The following FAM118B variants were observed in gnomAD, a reference collection of about 807,000 sequenced individuals.
FAM118B encodes the protein SIR2 antiphage like 1, also known as protein FAM118B.
Under a neutral mutation model 38.5 loss-of-function variants are expected in FAM118B, and 24 were observed. The ratio of observed to expected loss-of-function variants is 0.62; its 90% CI spans 0.45 to 0.88. The LOEUF (loss-of-function observed/expected upper bound fraction) is 0.88. Among genes scored for constraint, FAM118B ranks in the 40% least tolerant of loss-of-function variants. FAM118B has a pLI of 0.00. For missense variants in FAM118B, 334 were observed against 420.0 expected, an observed-to-expected ratio of 0.80 and a Z score of 1.79; for synonymous variants, 138 against 156.3, an observed-to-expected ratio of 0.88 and a Z score of 0.87.
Position 126,262,533 on chromosome 11 carries a change from T to C in FAM118B, c.*400T>C. 4.9e-6 allele frequency: 1 copy of C among 205,652 alleles called. No homozygotes were observed. Among genetic ancestry groups the C allele is most frequent in the Non-Finnish European group, 9.7e-6 (1 of 103,238 alleles). The allele number at this position is 205,652 out of a possible 1,614,324, so 12.7% of individuals were successfully genotyped here. A position where few individuals can be genotyped will look rare whatever the true frequency, so the allele number is the denominator to read the frequency against. On this transcript the variant is annotated 3_prime_UTR_variant, in exon 9 of 9. Transcript: ENST00000533050. ...CAGTTTTGTACTCTATACTTGGTTTTTCAATTAAGCTTAATGGCTTTTTTA... is the reference window on the plus strand; with the variant it reads ...CAGTTTTGTACTCTATACTTGGTTTCTCAATTAAGCTTAATGGCTTTTTTA...
At chr11:126,261,923 T>G (rs1950709442) in intron 8 of FAM118B, among the ~76,000 whole-genome samples, 197 bp from the exon 9 acceptor site, 1 of 152,214 alleles carries the variant, frequency 6.6e-6, no homozygotes, top group Admixed American at 6.5e-5. Context: ...GTGAGCTGAT[T>G]GTGCCACTGC....
intron 1 of FAM118B, among the ~76,000 whole-genome samples, chr11:126,216,450 C>A (rs1205346817): frequency 2.6e-5 from 4 of 152,192 alleles, no homozygotes; most frequent in African/African-American, 9.7e-5. Flanking sequence ...TAGAGGCAAC[C>A]ACTCAGTTGT....
At chr11:126,211,956 T>A in intron 1 of FAM118B, 126 bp downstream of exon 1, 1 of 321,232 alleles carries the variant, frequency 3.1e-6, no homozygotes, top group Non-Finnish European at 5.8e-6. Context: ...CTCCTTTTGG[T>A]ACACGATCCC....
In FAM118B at chr11:126,250,570, A is replaced by G. The variant is rs776571672; in HGVS notation, c.404A>G (p.Glu135Gly). Residue 135 changes from glutamate to glycine, a missense_variant, in exon 5 of 9, where the codon GAG becomes GGG. Physicochemically the swap from Glu to Gly is moderately conservative, Grantham distance 98 (BLOSUM62 -2). Coordinates refer to ENST00000533050, the MANE Select transcript of FAM118B (RefSeq NM_024556.4). The surrounding 1 kb of genome is among the most constrained non-coding windows in gnomAD (Gnocchi z 5.1). Reference sequence around the variant, plus strand: ...TTATATGAAGTATTTGATGACTTGGAGTCAAAGATGGAAGATTCTGGAAAA... The same window carrying G: ...TTATATGAAGTATTTGATGACTTGGGGTCAAAGATGGAAGATTCTGGAAAA... ...DCLYEVFDDL[E>G]SKMEDSGKQL... 3.7e-6 allele frequency: 6 copies of G among 1,614,120 alleles called. No homozygotes were observed.
At chr11:126,239,983 T>A (rs906403041) in intron 3 of FAM118B, among the ~76,000 whole-genome samples, 1 of 152,074 alleles carries the variant, frequency 6.6e-6, no homozygotes, top group Non-Finnish European at 1.5e-5. Context: ...GACAAAAAGG[T>A]TGGGGAGAAG....
chr11:126,247,066 G>A (rs1273630091), intron 4 of FAM118B, among the ~76,000 whole-genome samples: 1 of 152,202 alleles, frequency 6.6e-6, no homozygotes, highest in Non-Finnish European at 1.5e-5. Context: ...GCTGAGGCAA[G>A]AGGATCACTT....
At chr11:126,212,876 C>T (rs1949906565) in intron 1 of FAM118B, among the ~76,000 whole-genome samples, 1 of 152,064 alleles carries the variant, frequency 6.6e-6, no homozygotes, top group Admixed American at 6.5e-5. Flanking sequence ...TCGAGTAGGG[C>T]AGAGAGACTC....
chr11:126,237,621 G>A (rs1423759354), intron 3 of FAM118B, among the ~76,000 whole-genome samples: 1 of 142,104 alleles, frequency 7.0e-6, no homozygotes, highest in Non-Finnish European at 1.5e-5. Flanking sequence ...CAGATCGTGA[G>A]GTCAGGAGAT....
In FAM118B at chr11:126,256,776, CT is replaced by C. The variant is rs778809440; in HGVS notation, c.907del (p.Tyr303MetfsTer15). The C allele has an allele frequency of 5.6e-6, 9 of 1,614,060 alleles. No individual in the cohort carries two copies. In the East Asian group the frequency reaches 6.7e-5, roughly 12 times the overall value. ...TGGACAAGGGGATTAAAGTCATCTC[CT>C]ATGGAGATGACTATGCCGATCTTCC... is the stretch of plus-strand genomic sequence containing the variant. ...MLDKGIKVIS[Y>X]GDDYADLPEY... is the part of the protein sequence containing the mutation. On this transcript the variant is annotated frameshift_variant, in exon 7 of 9. Coordinates refer to ENST00000533050, the MANE Select transcript of FAM118B (RefSeq NM_024556.4). LOFTEE classifies it high-confidence loss of function. The surrounding 1 kb of genome is among the most constrained non-coding windows in gnomAD (Gnocchi z 6.6).
chr11:126,214,730 A>G (rs1328706507), intron 1 of FAM118B, among the ~76,000 whole-genome samples: 1 of 151,928 alleles, frequency 6.6e-6, no homozygotes, highest in African/African-American at 2.4e-5. Flanking sequence ...ACTTATTTAC[A>G]TTGATTTTGA....
chr11:126,241,139 TG>T (rs773415519), intron 4 of FAM118B, 95 bp downstream of exon 4: 9 of 1,277,770 alleles, frequency 7.0e-6, no homozygotes, highest in Non-Finnish European at 9.7e-6. Flanking sequence ...GCATGCCAAA[TG>T]TAACAGGGAT....
chr11:126,258,876 C>T (rs1254060214), intron 7 of FAM118B, among the ~76,000 whole-genome samples: 1 of 152,188 alleles, frequency 6.6e-6, no homozygotes, highest in Non-Finnish European at 1.5e-5. Context: ...CATTACATAA[C>T]AAAGAAGCAG....
At position 126,262,159 on chromosome 11, in the gene FAM118B, T is replaced by C; in HGVS notation, c.*26T>C. On this transcript the variant is annotated 3_prime_UTR_variant, in exon 9 of 9. Transcript: ENST00000533050. ...GCGAGCTAGAGAAATCACCACCGTTTAGACCAAGCTGTAAGGCCCTACTAC... is the reference window on the plus strand; with the variant it reads ...GCGAGCTAGAGAAATCACCACCGTTCAGACCAAGCTGTAAGGCCCTACTAC... The C allele has an allele frequency of 2.5e-6, 4 of 1,613,254 alleles. No homozygotes were observed. Among genetic ancestry groups the C allele is most frequent in the Admixed American group, 1.7e-5 (1 of 60,006 alleles).
At chr11:126,227,956 C>A (rs1281582345) in intron 1 of FAM118B, among the ~76,000 whole-genome samples, 1 of 151,948 alleles carries the variant, frequency 6.6e-6, no homozygotes, top group Admixed American at 6.6e-5. Context: ...TGCACTACCA[C>A]ACCTGGCTAA....
intron 1 of FAM118B, among the ~76,000 whole-genome samples, chr11:126,214,922 G>T (rs1050419901): frequency 6.6e-6 from 1 of 152,184 alleles, no homozygotes; most frequent in African/African-American, 2.4e-5. Context: ...TTAATTAGTG[G>T]TATAAAGTTA....
At chr11:126,223,582 C>CA (rs1950096909) in intron 1 of FAM118B, among the ~76,000 whole-genome samples, 2 of 101,926 alleles carry the variant, frequency 2.0e-5, no homozygotes, top group African/African-American at 7.9e-5. Flanking sequence ...GGCGAAAGAG[C>CA]GAAAAAAAAA....
rs1215013926 is a variant in FAM118B, at chr11:126,250,507, G to A, written c.341G>A (p.Arg114His). ...AHDLIQKLSP[R>H]TSNVRSTFFK... ...TTCTTTTTTCAAATCCCTCCTCAGC[G>A]TACCAGTAATGTTCGATCCACATTT... The change falls in exon 5 of 9, where the codon CGT becomes CAT. Residue 114 changes from arginine to histidine, a missense_variant and splice_region_variant. By Grantham distance (29) the Arg-to-His change is conservative (BLOSUM62 0). Transcript: ENST00000533050. The surrounding 1 kb of genome is among the most constrained non-coding windows in gnomAD (Gnocchi z 5.1). The A allele has an allele frequency of 7.5e-6, 12 of 1,610,448 alleles. No homozygotes were observed. The highest frequency in any genetic ancestry group is 3.3e-5 in the South Asian group (3 of 91,018).
intron 7 of FAM118B, among the ~76,000 whole-genome samples, chr11:126,259,391 A>G (rs543965450): frequency 2.6e-5 from 4 of 151,240 alleles, no homozygotes; most frequent in African/African-American, 9.7e-5. Context: ...AATAATTCTT[A>G]TAATCCATTA....
rs1007054593 is a variant in FAM118B, at chr11:126,250,419, C to T, written c.340-87C>T. 8.0e-6 allele frequency: 7 copies of T among 876,560 alleles called. No individual in the cohort carries two copies. The African/African-American group carries it at 1.2e-4, about 15-fold the overall frequency. The allele number at this position is 876,560 out of a possible 1,614,324, so 54.3% of individuals were successfully genotyped here. On this transcript the variant is annotated intron_variant, in intron 4 of 8. Transcript: ENST00000533050. This position sits in a 1 kb window ranked among gnomAD's most constrained non-coding sequence, Gnocchi z 5.1. ...ATCTCTGTTTTGAATTCAAAATATT[C>T]TTCCAAAATTTGTTACTGCTGTAAC...
Sources: allele counts gnomAD v4.1 joint callset (sites outside exome capture counted in the v4.1 genomes callset), GRCh38; gene constraint gnomAD v4.1.1; non-coding constraint Gnocchi (gnomAD v3.1); transcripts MANE v1.5; gene names NCBI Gene and HGNC (gene_info 2026-07-23, HGNC 2026-07-21).